The following MUC4 variants were observed in gnomAD, a reference collection of about 807,000 sequenced individuals.
The protein encoded by MUC4 is mucin 4, cell surface associated.
A neutral mutation model predicts 257.9 loss-of-function variants in MUC4; 202 were observed. The ratio of observed to expected loss-of-function variants is 0.78; its 90% CI spans 0.70 to 0.88. The LOEUF (loss-of-function observed/expected upper bound fraction) is 0.88, where lower values mean the gene tolerates loss of function less well. Ranked by LOEUF, MUC4 falls within the 40% of genes least tolerant of loss-of-function variation. The pLI is 0.00. For synonymous variants in MUC4, 2,351 were observed against 2,757.1 expected (o/e 0.85, Z 4.62); for missense variants, 5,976 against 6,513.7 (o/e 0.92, Z 2.84).
In MUC4 at chr3:195,786,524, G is replaced by T. The variant is rs200241020; in HGVS notation, c.5056C>A (p.Leu1686Ile). The T allele has an allele frequency of 1.9e-5, 21 of 1,078,824 alleles. 2 individuals carry two copies. The highest frequency in any genetic ancestry group is 1.1e-4 in the African/African-American group (3 of 26,914). The allele number at this position is 1,078,824 out of a possible 1,614,324, so 66.8% of individuals were successfully genotyped here. A position where few individuals can be genotyped will look rare whatever the true frequency, so the allele number is the denominator to read the frequency against. ...GHATPLPVTG[L>I]SSATTDDTTR... The stretch of plus-strand genomic sequence containing the variant: ...GTGTCATCTGTGGTAGCTGAGGAAA[G>T]GCCGGTGACAGGAAGAGGGGTGGCG... The change falls in exon 2 of 25, where the codon CTT (leucine) becomes ATT (isoleucine). Residue 1686 changes from leucine (L) to isoleucine (I), a missense_variant. This residue lies in a region of MUC4 where 138 missense variants were observed against 107.8 expected (regional missense o/e 1.28). Coordinates refer to ENST00000463781, the MANE Select transcript of MUC4 (RefSeq NM_018406.7).
intron 1 of MUC4, chr3:195,809,891 G>A (rs1244910564): frequency 2.0e-5 from 3 of 152,324 alleles, no homozygotes; most frequent in Admixed American, 6.5e-5. Flanking sequence ...GGCAGGGCCT[G>A]GTCACAGGGG....
chr3:195,794,286 T>C (rs1480135229), intron 1 of MUC4, among the ~76,000 whole-genome samples: 1 of 151,930 alleles, frequency 6.6e-6, no homozygotes, highest in South Asian at 2.1e-4. Context: ...CCTTTTTTTT[T>C]CTCTTAGAAA....
intron 7 of MUC4, among the ~76,000 whole-genome samples, chr3:195,767,602 AT>A (rs1560262357): frequency 9.4e-6 from 1 of 106,898 alleles, no homozygotes; most frequent in Admixed American, 9.0e-5. Flanking sequence ...CACCACCATC[AT>A]CACCATTGCC....
chr3:195,790,846 G>A lies in MUC4; in HGVS notation c.734C>T (p.Thr245Ile). 1 of 1,613,876 alleles carries A rather than the reference G, an allele frequency of 6.2e-7. No individual in the cohort carries two copies. The highest frequency in any genetic ancestry group is 8.5e-7 in the Non-Finnish European group (1 of 1,179,878). Residue 245 changes from threonine to isoleucine, a missense_variant, in exon 2 of 25, where the codon ACA (threonine) becomes ATA (isoleucine). Thr to Ile is a moderately conservative substitution (Grantham distance 89, BLOSUM62 -1). Transcript: ENST00000463781. Reference sequence around the variant, plus strand: ...GACACTACAGAGGGATGAGGTAGCTGTTTCACCTGAAGGAGATGTCTTCTG... The same window carrying A: ...GACACTACAGAGGGATGAGGTAGCTATTTCACCTGAAGGAGATGTCTTCTG... ...VSQKTSPSGE[T>I]ATSSLCSVTN...
chr3:195,775,875 C>T (rs1203289798), intron 3 of MUC4, among the ~76,000 whole-genome samples: 9 of 90,988 alleles, frequency 9.9e-5, no homozygotes, highest in African/African-American at 1.4e-4. Flanking sequence ...CCTTCCACAC[C>T]CATACCTTCC....
rs1313409194 is a variant in MUC4 at position 195,788,655 on chromosome 3, G to A, written c.2925C>T (p.Thr975=). 1.9e-6 allele frequency: 3 copies of A among 1,611,376 alleles called. No homozygotes were observed. The highest frequency in any genetic ancestry group is 2.2e-5 in the South Asian group (2 of 90,546). Residue 975 remains threonine (T), a synonymous_variant, in exon 2 of 25, where the codon ACC becomes ACT. Coordinates refer to ENST00000463781, the MANE Select transcript of MUC4 (RefSeq NM_018406.7). ...AGGAAGCGTAGGTGACAGGAAGAGG[G>A]GTGGCGTTGCTGATGAGGGCCGTGG... ...TFTTALISNA[T]PLPVTYASSA... is the part of the protein sequence containing the mutation.
rs747745339 is a variant in MUC4, at chr3:195,783,885, G to A, written c.7695C>T (p.Asp2565=). The change falls in exon 2 of 25, where the codon GAC becomes GAT. Residue 2565 remains aspartate (D), a synonymous_variant. Coordinates refer to ENST00000463781, the MANE Select transcript of MUC4 (RefSeq NM_018406.7). The stretch of plus-strand genomic sequence containing the variant: ...CGTGACCTGTGGATGCTGCGGAAGT[G>A]TCGGTGACAGGAAGAGAGGTGGCGT... The part of the protein sequence containing the change: ...TGHATSLPVT[D]TSAASTGHAT... 5.8e-5 allele frequency: 88 copies of A among 1,508,846 alleles called. 9 individuals are homozygous for A. In the African/African-American group the frequency reaches 1.3e-3, roughly 22 times the overall value. 93.5% of individuals were successfully genotyped at this position (1,508,846 alleles called of 1,614,324 possible).
rs762872827 is a variant in MUC4 at position 195,782,127 on chromosome 3, G to T, written c.9453C>A (p.Thr3151=). 1 of 1,361,558 alleles carries T rather than the reference G, an allele frequency of 7.3e-7. No individual in the cohort carries two copies. Among genetic ancestry groups the T allele is most frequent in the South Asian group, 1.5e-5 (1 of 68,702 alleles). The allele number at this position is 1,361,558 out of a possible 1,614,324, so 84.3% of individuals were successfully genotyped here. ...AGGAAGTGTCGGTGACAGGAAGAGG[G>T]GTGGTGTCACCTGTGGATGCTGAGG... ...STSSASTGDT[T]PLPVTDTSSA... is the part of the protein sequence containing the mutation. The change falls in exon 2 of 25, where the codon ACC becomes ACA. Residue 3151 remains threonine (T), a synonymous_variant. Coordinates refer to ENST00000463781, the MANE Select transcript of MUC4 (RefSeq NM_018406.7).
intron 4 of MUC4, among the ~76,000 whole-genome samples, chr3:195,772,591 C>T (rs1723210305): frequency 7.0e-6 from 1 of 142,248 alleles, no homozygotes; most frequent in Admixed American, 6.9e-5. Context: ...ACCCTCTCTC[C>T]ATCGCTCAGG....
chr3:195,811,640 C>G, intron 1 of MUC4, 96 bp downstream of exon 1: 1 of 1,067,124 alleles, frequency 9.4e-7, no homozygotes, highest in South Asian at 1.4e-5. Context: ...TTCTCTCTCT[C>G]TCTCTCTCTG....
chr3:195,761,984 C>T (rs1430166431), intron 14 of MUC4, 103 bp downstream of exon 14: 10 of 1,316,004 alleles, frequency 7.6e-6, no homozygotes, highest in Non-Finnish European at 9.2e-6. Flanking sequence ...TCCAAGGAGG[C>T]GGAGAAAGGG....
chr3:195,767,561 TTGCCACCACCATCACCACCAC>T (rs1721109233), intron 7 of MUC4, among the ~76,000 whole-genome samples: 2 of 18,760 alleles, frequency 1.1e-4, no homozygotes, highest in Admixed American at 8.2e-4. Flanking sequence ...ACCATTACCA[TTGCCACCACCATCACCACCAC>T]CATCACCACC....
chr3:195,805,816 C>T (rs1486974019), intron 1 of MUC4, among the ~76,000 whole-genome samples: 1 of 151,938 alleles, frequency 6.6e-6, no homozygotes. Flanking sequence ...ATTTCAATTA[C>T]TCAAAATCCA....
chr3:195,792,821 C>T (rs56394012), intron 1 of MUC4, among the ~76,000 whole-genome samples: 33,882 of 152,136 alleles, frequency 0.22, 4,409 homozygotes, highest in African/African-American at 0.35. Flanking sequence ...AATGGGATCA[C>T]GTCCTTTGCA....
chr3:195,764,510 C>A (rs1272127320), intron 10 of MUC4, among the ~76,000 whole-genome samples: 3 of 152,070 alleles, frequency 2.0e-5, no homozygotes, highest in African/African-American at 7.2e-5. Flanking sequence ...GGTGGAGAGC[C>A]AAGTACTGCT....
At chr3:195,766,846 C>T in intron 7 of MUC4, 95 bp from the exon 8 acceptor site, 1 of 1,135,882 alleles carries the variant, frequency 8.8e-7, no homozygotes, top group Non-Finnish European at 1.3e-6. Context: ...CGGTCAGCAG[C>T]TGGTCAACCA....
Position 195,786,397 on chromosome 3 carries a change from G to A in MUC4, c.5183C>T (p.Pro1728Leu). 1.3e-6 allele frequency: 2 copies of A among 1,533,242 alleles called. 1 individual carries two copies. The highest frequency in any genetic ancestry group is 1.8e-6 in the Non-Finnish European group (2 of 1,136,144). The allele number at this position is 1,533,242 out of a possible 1,614,324, so 95.0% of individuals were successfully genotyped here. A position where few individuals can be genotyped will look rare whatever the true frequency, so the allele number is the denominator to read the frequency against. Residue 1728 changes from proline (P) to leucine (L), a missense_variant, in exon 2 of 25, where the codon CCT becomes CTT. Around this residue, in one of 44 missense-constraint regions of MUC4, gnomAD observed 138 missense variants for 107.8 expected, o/e 1.28. Transcript: ENST00000463781. The part of the protein sequence containing the change: ...LSSVSTGDTT[P>L]LPVTSPSSAS... ...TGAGGAAGGGCTAGTGACAGGAAGA[G>A]GCGTGGTGTCACCTGTGGATACTGA...
intron 1 of MUC4, among the ~76,000 whole-genome samples, chr3:195,809,120 G>A (rs919149730): frequency 1.2e-4 from 19 of 152,190 alleles, no homozygotes; most frequent in Admixed American, 1.2e-3. Context: ...GCGACCAGTA[G>A]ACACCAAATT....
In MUC4 at chr3:195,759,432, G is replaced by A. The variant is rs569281312; in HGVS notation, c.14849-171C>T. 2.2e-3 allele frequency among the ~76,000 whole-genome samples: 336 copies of A among 152,190 alleles called. 1 individual carries two copies. Among genetic ancestry groups the A allele is most frequent in the Middle Eastern group, 6.8e-3 (2 of 294 alleles). ...TCTCGACTGACGCACAGCAGGCTGG[G>A]ACTGTACTGCCCACCTAGCCAAATC... On this transcript the variant is annotated intron_variant, in intron 16 of 24. Coordinates refer to ENST00000463781, the MANE Select transcript of MUC4 (RefSeq NM_018406.7).
Sources: allele counts gnomAD v4.1 joint callset (sites outside exome capture counted in the v4.1 genomes callset), GRCh38; gene constraint gnomAD v4.1.1; regional missense constraint gnomAD v4.1.1; transcripts MANE v1.5; gene names NCBI Gene and HGNC (gene_info 2026-07-23, HGNC 2026-07-21).